ARHGAP39: variants seen among roughly 807,000 people sequenced by gnomAD.
ARHGAP39 encodes rho GTPase-activating protein 39.
Under a neutral mutation model 106.9 loss-of-function variants are expected in ARHGAP39, and 44 were observed. The observed-to-expected ratio is 0.41, with a 90% CI of 0.32 to 0.53. ARHGAP39 has a LOEUF of 0.53. ARHGAP39 is among the 20% of genes least tolerant of loss of function. The probability of loss-of-function intolerance (pLI) is 0.21; values close to 1 mark genes in which losing one functional copy is unlikely to be tolerated. For missense variants in ARHGAP39, 1,496 were observed against 1,577.3 expected (o/e 0.95, Z 0.87); for synonymous variants, 768 against 693.2 (o/e 1.11, Z -1.69).
intron 3 of ARHGAP39, among the ~76,000 whole-genome samples, chr8:144,555,969 C>A (rs916203210): frequency 2.0e-5 from 3 of 152,156 alleles, no homozygotes; most frequent in Admixed American, 1.3e-4. Flanking sequence ...AAAAAGATGA[C>A]CTGGGAAGGA....
At chr8:144,574,836 G>T (rs1818715028) in intron 3 of ARHGAP39, among the ~76,000 whole-genome samples, 1 of 152,202 alleles carries the variant, frequency 6.6e-6, no homozygotes, top group African/African-American at 2.4e-5. Flanking sequence ...GTCTTCACAT[G>T]TGCAGGAGAT....
At chr8:144,612,915 A>G (rs1301374876) in intron 1 of ARHGAP39, among the ~76,000 whole-genome samples, 3 of 152,238 alleles carry the variant, frequency 2.0e-5, no homozygotes, top group Non-Finnish European at 4.4e-5. Context: ...CAATCTGACC[A>G]TCTTGCTGTG....
rs1174032022 is a variant in ARHGAP39 at position 144,646,965 on chromosome 8, ATT to A, written c.-82+38719_-82+38720del. 1.0e-4 allele frequency among the ~76,000 whole-genome samples: 12 copies of A among 114,622 alleles called. No individual in the cohort carries two copies. The highest frequency in any genetic ancestry group is 3.6e-4 in the Admixed American group (4 of 11,142). The allele number at this position is 114,622 out of a possible 152,430, so 75.2% of individuals were successfully genotyped here. A position where few individuals can be genotyped will look rare whatever the true frequency, so the allele number is the denominator to read the frequency against. On this transcript the variant is annotated intron_variant, in intron 1 of 11. Transcript: ENST00000377307. The surrounding 1 kb of genome is among the most constrained non-coding windows in gnomAD (Gnocchi z 5.7). ...TGGAGGCATCTGCTCTGCTCTGACC[ATT>A]TTTTTTTTTTTTTTTTTTTTGAGAC...
At chr8:144,618,580 C>T (rs1427019906) in intron 1 of ARHGAP39, among the ~76,000 whole-genome samples, 6 of 152,240 alleles carry the variant, frequency 3.9e-5, no homozygotes, top group Non-Finnish European at 7.3e-5. Flanking sequence ...GCAGGCAGAG[C>T]CCCGAGGACG....
chr8:144,576,662 C>G (rs1336744622), intron 3 of ARHGAP39, among the ~76,000 whole-genome samples: 2 of 152,208 alleles, frequency 1.3e-5, no homozygotes, highest in Non-Finnish European at 2.9e-5. Flanking sequence ...TTATGATAAT[C>G]CAATACCAAT....
At chr8:144,561,438 T>C (rs1272211059) in intron 3 of ARHGAP39, among the ~76,000 whole-genome samples, 1 of 130,966 alleles carries the variant, frequency 7.6e-6, no homozygotes, top group African/African-American at 3.1e-5. Context: ...TCCAGTGGTG[T>C]CCATCACACT....
intron 3 of ARHGAP39, among the ~76,000 whole-genome samples, chr8:144,569,417 C>A (rs902445504): frequency 6.6e-6 from 1 of 152,130 alleles, no homozygotes; most frequent in Non-Finnish European, 1.5e-5. Context: ...CAACAGAAGG[C>A]GGTACATCCA....
intron 2 of ARHGAP39, among the ~76,000 whole-genome samples, chr8:144,602,952 T>C (rs1239644577): frequency 9.5e-5 from 13 of 137,424 alleles, no homozygotes; most frequent in African/African-American, 3.4e-4. Context: ...CCTGTGTGTG[T>C]GCATGGAGGC....
chr8:144,530,205 TG>T lies in ARHGAP39; in HGVS notation c.*216del, dbSNP rs1350448809. Reference sequence around the variant, plus strand: ...GTGCCCGCGGGAACTGGCCGTGAGGTGGGGGGCCAGAGGCGCCCTCCCCGCC... The same window carrying T: ...GTGCCCGCGGGAACTGGCCGTGAGGTGGGGGCCAGAGGCGCCCTCCCCGCC... On this transcript the variant is annotated 3_prime_UTR_variant, in exon 12 of 12. Coordinates refer to ENST00000377307, the MANE Select transcript of ARHGAP39 (RefSeq NM_025251.3). 2 of 549,270 alleles carry T rather than the reference TG, an allele frequency of 3.6e-6. No individual in the cohort carries two copies. Among genetic ancestry groups the T allele is most frequent in the South Asian group, 2.4e-5 (1 of 41,224 alleles). 34.0% of individuals were successfully genotyped at this position (549,270 alleles called of 1,614,324 possible).
Position 144,591,653 on chromosome 8 carries a change from C to T in ARHGAP39, c.81-10376G>A, listed in dbSNP as rs563491403. On this transcript the variant is annotated intron_variant, in intron 2 of 11. Transcript: ENST00000377307. This position sits in a 1 kb window ranked among gnomAD's most constrained non-coding sequence, Gnocchi z 5.3. ...GAGGCGAGGGGTGGGGGAGCAGAGG[C>T]GAGGAAGGGCAAGGTTTTCGGCCTG... 1.3e-5 allele frequency among the ~76,000 whole-genome samples: 2 copies of T among 152,170 alleles called. No individual in the cohort carries two copies. Among genetic ancestry groups the T allele is most frequent in the East Asian group, 1.9e-4 (1 of 5,172 alleles).
At chr8:144,558,275 T>C (rs901125007) in intron 3 of ARHGAP39, among the ~76,000 whole-genome samples, 11 of 152,314 alleles carry the variant, frequency 7.2e-5, no homozygotes, top group African/African-American at 9.6e-5. Flanking sequence ...TTAGTTAATA[T>C]GTTTAATGTC....
intron 3 of ARHGAP39, among the ~76,000 whole-genome samples, chr8:144,567,897 G>A (rs997739181): frequency 3.9e-5 from 6 of 152,066 alleles, no homozygotes; most frequent in East Asian, 1.9e-4. Flanking sequence ...AAATATCAGC[G>A]CAGCCTGGCA....
intron 1 of ARHGAP39, among the ~76,000 whole-genome samples, chr8:144,649,051 C>T (rs1821511906): frequency 6.6e-6 from 1 of 152,120 alleles, no homozygotes; most frequent in Non-Finnish European, 1.5e-5. Context: ...TTCAAAAGAT[C>T]AATGAGCAGG....
chr8:144,632,425 A>G (rs1821084719), intron 1 of ARHGAP39, among the ~76,000 whole-genome samples: 1 of 152,198 alleles, frequency 6.6e-6, no homozygotes, highest in Non-Finnish European at 1.5e-5. Context: ...CATGTCGACA[A>G]ACCCTCACTG....
upstream of ARHGAP39, among the ~76,000 whole-genome samples, chr8:144,687,710 T>C (rs71520585): frequency 3.4e-5 from 3 of 87,540 alleles, no homozygotes; most frequent in East Asian, 3.9e-4. Context: ...ACACTAGCGG[T>C]GAGCACTTCC....
the ARHGAP39 span, among the ~76,000 whole-genome samples, chr8:144,697,580 C>T: frequency 6.6e-5 from 10 of 151,988 alleles, no homozygotes; most frequent in East Asian, 1.9e-3. Context: ...AGTGCAATGG[C>T]GTGATCTCAG....
rs1822506728 is a variant in ARHGAP39, at chr8:144,684,102, T to G, written c.-82+1584A>C. Among the ~76,000 whole-genome samples the G allele has an allele frequency of 2.0e-5, 3 of 152,296 alleles. No homozygotes were observed. The highest frequency in any genetic ancestry group is 3.4e-3 in the Middle Eastern group (1 of 294). ...AGTCGCGACTCAGAGGCGGGCAGCC[T>G]GGCTCCAGAACCCGCCCTCCTGTCC... On this transcript the variant is annotated intron_variant, in intron 1 of 11. Coordinates refer to ENST00000377307, the MANE Select transcript of ARHGAP39 (RefSeq NM_025251.3). This position sits in a 1 kb window ranked among gnomAD's most constrained non-coding sequence, Gnocchi z 4.4.
chr8:144,550,534 C>A (rs1817653150), intron 4 of ARHGAP39, among the ~76,000 whole-genome samples: 1 of 152,258 alleles, frequency 6.6e-6, no homozygotes, highest in African/African-American at 2.4e-5. Context: ...GGCCACATTC[C>A]CCATTGCCTG....
At chr8:144,600,662 GCA>G (rs1323956457) in intron 2 of ARHGAP39, among the ~76,000 whole-genome samples, 2 of 150,572 alleles carry the variant, frequency 1.3e-5, no homozygotes, top group South Asian at 2.1e-4. Flanking sequence ...AGGTGTGCGT[GCA>G]CACTTGTGTA....
Sources: allele counts gnomAD v4.1 joint callset (sites outside exome capture counted in the v4.1 genomes callset), GRCh38; gene constraint gnomAD v4.1.1; non-coding constraint Gnocchi (gnomAD v3.1); transcripts MANE v1.5; gene names NCBI Gene and HGNC (gene_info 2026-07-23, HGNC 2026-07-21).